STYXL2: variants seen among roughly 807,000 people sequenced by gnomAD.
STYXL2 encodes serine/threonine/tyrosine-interacting-like protein 2.
A neutral mutation model predicts 52.4 loss-of-function variants in STYXL2; 44 were observed. The observed-to-expected ratio is 0.84, with a 90% CI of 0.66 to 1.08. The LOEUF (loss-of-function observed/expected upper bound fraction) is 1.08. Among genes scored for constraint, STYXL2 ranks in the 50% least tolerant of loss-of-function variants. STYXL2 has a pLI of 0.00. For missense variants in STYXL2, 1,604 were observed against 1,471.7 expected, an observed-to-expected ratio of 1.09 and a Z score of -1.47; for synonymous variants, 604 against 586.9, an observed-to-expected ratio of 1.03 and a Z score of -0.42.
rs551681961 is a variant in STYXL2, at chr1:167,102,451, C to G, written c.110+7492C>G. On this transcript the variant is annotated intron_variant, in intron 2 of 5. Coordinates refer to ENST00000361200, the MANE Select transcript of STYXL2 (RefSeq NM_001080426.3). ...AACCCTTGAAAGCTTGCTTAAATTA[C>G]TTAATCAAAAAAATCAGAATACCAG... is the stretch of plus-strand genomic sequence containing the variant. Among the ~76,000 whole-genome samples, 12 of 152,032 alleles carry G rather than the reference C, an allele frequency of 7.9e-5. No homozygotes were observed. In the South Asian group the frequency reaches 2.5e-3, roughly 32 times the overall value.
intron 2 of STYXL2, among the ~76,000 whole-genome samples, chr1:167,112,620 T>C (rs1003464435): frequency 6.6e-6 from 1 of 152,190 alleles, no homozygotes; most frequent in Non-Finnish European, 1.5e-5. Context: ...CCTGTTCTAA[T>C]CTAAATGGTA....
chr1:167,127,270 G>A lies in STYXL2; in HGVS notation c.2139G>A (p.Gly713=). Residue 713 remains glycine (G), a synonymous_variant, in exon 6 of 6, where the codon GGG becomes GGA. Transcript: ENST00000361200. ...PTTPLPNLPV[G]PGDTISIASI... ...CACCCCTGCCTAACCTGCCAGTGGG[G>A]CCTGGAGACACCATTTCCATTGCCA... is the stretch of plus-strand genomic sequence containing the variant. 1 of 1,614,188 alleles carries A rather than the reference G, an allele frequency of 6.2e-7. No individual in the cohort carries two copies. Among genetic ancestry groups the A allele is most frequent in the Non-Finnish European group, 8.5e-7 (1 of 1,180,042 alleles).
At chr1:167,115,766 T>C (rs769654891) in intron 3 of STYXL2, among the ~76,000 whole-genome samples, 2 of 152,162 alleles carry the variant, frequency 1.3e-5, no homozygotes, top group African/African-American at 2.4e-5. Flanking sequence ...GCTCTGGGAT[T>C]GCAGGAGTTT....
At chr1:167,103,220 T>A (rs1667437972) in intron 2 of STYXL2, among the ~76,000 whole-genome samples, 1 of 152,168 alleles carries the variant, frequency 6.6e-6, no homozygotes, top group Admixed American at 6.5e-5. Context: ...GGTTATCTCA[T>A]CTCAAAAGCT....
intron 4 of STYXL2, among the ~76,000 whole-genome samples, chr1:167,118,881 G>A (rs1667788633): frequency 6.6e-6 from 1 of 152,174 alleles, no homozygotes; most frequent in Non-Finnish European, 1.5e-5. Flanking sequence ...CCATATTAAT[G>A]TGGAATACAC....
chr1:167,104,389 G>A (rs1414649816), intron 2 of STYXL2, among the ~76,000 whole-genome samples: 3 of 152,076 alleles, frequency 2.0e-5, no homozygotes, highest in Non-Finnish European at 2.9e-5. Flanking sequence ...GGTAAGGCTC[G>A]ATCAGGCTTC....
chr1:167,107,462 T>A (rs1452578874), intron 2 of STYXL2, among the ~76,000 whole-genome samples: 2 of 152,190 alleles, frequency 1.3e-5, no homozygotes. Flanking sequence ...GTATACCTCT[T>A]GGCCTCTGAA....
In STYXL2 at chr1:167,127,655, G is replaced by A; in HGVS notation, c.2524G>A (p.Glu842Lys). The change falls in exon 6 of 6, where the codon GAG becomes AAG. Residue 842 changes from glutamate to lysine, a missense_variant. Coordinates refer to ENST00000361200, the MANE Select transcript of STYXL2 (RefSeq NM_001080426.3). ...AAAGGAACTTGGCCGGAAGGAGAAG[G>A]AGATGCAGATGGAGCTTAGGGAGAA... ...DLKELGRKEK[E>K]MQMELREKMS... The A allele has an allele frequency of 6.2e-7, 1 of 1,614,174 alleles. No homozygotes were observed. Among genetic ancestry groups the A allele is most frequent in the Non-Finnish European group, 8.5e-7 (1 of 1,180,036 alleles).
At chr1:167,122,679 C>G (rs532687491) in intron 5 of STYXL2, among the ~76,000 whole-genome samples, 1 of 151,984 alleles carries the variant, frequency 6.6e-6, no homozygotes, top group Non-Finnish European at 1.5e-5. Context: ...TTTGAAGGTC[C>G]TTTTTTTGAG....
At chr1:167,095,010 G>C in intron 2 of STYXL2, 51 bp downstream of exon 2, 2 of 1,419,650 alleles carry the variant, frequency 1.4e-6, no homozygotes, top group Non-Finnish European at 1.9e-6. Flanking sequence ...GGAGGGGCTG[G>C]GGACAGGTTG....
intron 4 of STYXL2, among the ~76,000 whole-genome samples, chr1:167,117,818 T>C (rs1399434692): frequency 4.6e-5 from 7 of 152,244 alleles, no homozygotes; most frequent in Non-Finnish European, 7.3e-5. Context: ...AGAAGGCCTC[T>C]GGGCCTCCTT....
intron 5 of STYXL2, among the ~76,000 whole-genome samples, chr1:167,121,260 G>T (rs182644899): frequency 6.6e-6 from 1 of 152,116 alleles, no homozygotes; most frequent in East Asian, 1.9e-4. Context: ...TGATCCGCCC[G>T]CCTCGGCCTC....
chr1:167,119,996 T>G (rs1488035194), intron 5 of STYXL2, among the ~76,000 whole-genome samples: 1 of 152,132 alleles, frequency 6.6e-6, no homozygotes, highest in Non-Finnish European at 1.5e-5. Flanking sequence ...AAGGCCAGTG[T>G]CGATGAGCAT....
Position 167,128,392 on chromosome 1 carries a change from G to C in STYXL2, c.3261G>C (p.Lys1087Asn). The C allele has an allele frequency of 6.2e-7, 1 of 1,614,100 alleles. No homozygotes were observed. The highest frequency in any genetic ancestry group is 1.3e-5 in the African/African-American group (1 of 75,032). Residue 1087 changes from lysine to asparagine, a missense_variant, in exon 6 of 6, where the codon AAG (lysine) becomes AAC (asparagine). Lys to Asn is a moderately conservative substitution (Grantham distance 94). Transcript: ENST00000361200. ...SDFSEFGAKRKFTQSFMRSEE... is the reference protein window; with the variant it reads ...SDFSEFGAKRNFTQSFMRSEE... ...TCTCTGAATTTGGAGCCAAGAGGAAGTTCACCCAGAGCTTTATGAGGTCTG... is the reference window on the plus strand; with the variant it reads ...TCTCTGAATTTGGAGCCAAGAGGAACTTCACCCAGAGCTTTATGAGGTCTG...
rs753740372 is a variant in STYXL2 at position 167,117,314 on chromosome 1, C to T, written c.206-14C>T. On this transcript the variant is annotated splice_polypyrimidine_tract_variant and intron_variant, in intron 3 of 5. Transcript: ENST00000361200. Reference sequence around the variant, plus strand: ...TCCTAACTCTCTGATGAGAATGCTGCCTGTCTCCTCTAGAACTCAAGCCAC... The same window carrying T: ...TCCTAACTCTCTGATGAGAATGCTGTCTGTCTCCTCTAGAACTCAAGCCAC... The T allele has an allele frequency of 6.3e-7, 1 of 1,591,082 alleles. No individual in the cohort carries two copies. Among genetic ancestry groups the T allele is most frequent in the Non-Finnish European group, 8.6e-7 (1 of 1,167,592 alleles).
At chr1:167,125,273 A>G (rs575870094) in intron 5 of STYXL2, among the ~76,000 whole-genome samples, 70 of 152,284 alleles carry the variant, frequency 4.6e-4, no homozygotes, top group African/African-American at 1.6e-3. Context: ...AATGGAGTGA[A>G]TTGTGTCTAT....
At chr1:167,113,084 A>G (rs1667650719) in intron 2 of STYXL2, among the ~76,000 whole-genome samples, 1 of 152,112 alleles carries the variant, frequency 6.6e-6, no homozygotes, top group Non-Finnish European at 1.5e-5. Context: ...AATTGCCATG[A>G]CATTTACCCA....
At chr1:167,120,635 A>G (rs1667832362) in intron 5 of STYXL2, among the ~76,000 whole-genome samples, 1 of 151,568 alleles carries the variant, frequency 6.6e-6, no homozygotes, top group African/African-American at 2.4e-5. Context: ...AATTATTTTT[A>G]CTTTTTATTT....
At chr1:167,104,274 G>C (rs1667464738) in intron 2 of STYXL2, among the ~76,000 whole-genome samples, 1 of 151,684 alleles carries the variant, frequency 6.6e-6, no homozygotes. Context: ...CTGATTTGAA[G>C]AATGGTTTCT....
Sources: allele counts gnomAD v4.1 joint callset (sites outside exome capture counted in the v4.1 genomes callset), GRCh38; gene constraint gnomAD v4.1.1; transcripts MANE v1.5; gene names NCBI Gene and HGNC (gene_info 2026-07-23, HGNC 2026-07-21).